Variants in CCDC15 observed in about 807,000 individuals in gnomAD.
The protein encoded by CCDC15 is coiled-coil domain containing 15.
A neutral mutation model predicts 114.5 loss-of-function variants in CCDC15; 105 were observed. The ratio of observed to expected loss-of-function variants is 0.92; its 90% CI spans 0.78 to 1.08. The LOEUF (loss-of-function observed/expected upper bound fraction) is 1.08, where lower values mean the gene tolerates loss of function less well. Among genes scored for constraint, CCDC15 ranks in the 50% least tolerant of loss-of-function variants. CCDC15 has a pLI of 0.00. For missense variants in CCDC15, 1,105 were observed against 1,093.6 expected, an observed-to-expected ratio of 1.01 and a Z score of -0.15; for synonymous variants, 334 against 377.8, an observed-to-expected ratio of 0.88 and a Z score of 1.34.
At chr11:124,996,043 T>C (rs1383290831) in intron 11 of CCDC15, among the ~76,000 whole-genome samples, 1 of 152,080 alleles carries the variant, frequency 6.6e-6, no homozygotes, top group African/African-American at 2.4e-5. Context: ...TTTGCCATGC[T>C]GGTCTCAAAC....
intron 7 of CCDC15, 39 bp from the exon 8 acceptor site, chr11:124,987,088 A>G: frequency 6.9e-7 from 1 of 1,456,656 alleles, no homozygotes; most frequent in Non-Finnish European, 9.1e-7. Flanking sequence ...TATTGCTACT[A>G]ACTCACATTC....
chr11:124,962,900 T>A lies in CCDC15; in HGVS notation c.516+2897T>A, dbSNP rs1565354159. On this transcript the variant is annotated intron_variant, in intron 4 of 15. Coordinates refer to ENST00000344762, the MANE Select transcript of CCDC15 (RefSeq NM_025004.3). Reference sequence around the variant, plus strand: ...GACCTATGAGTGAGAACATGCGGTGTTTGGTTTTCTGTCCTTGAGATAGTT... The same window carrying A: ...GACCTATGAGTGAGAACATGCGGTGATTGGTTTTCTGTCCTTGAGATAGTT... Among the ~76,000 whole-genome samples, 10 of 152,314 alleles carry A rather than the reference T, an allele frequency of 6.6e-5. No individual in the cohort carries two copies. In the South Asian group the frequency reaches 2.1e-3, roughly 32 times the overall value.
At chr11:125,019,061 G>A (rs1209606680) in intron 13 of CCDC15, among the ~76,000 whole-genome samples, 1 of 152,012 alleles carries the variant, frequency 6.6e-6, no homozygotes, top group Non-Finnish European at 1.5e-5. Context: ...AGACATGATT[G>A]TAAAGACCTT....
At chr11:125,004,062 T>C in intron 12 of CCDC15, 103 bp downstream of exon 12, 1 of 518,784 alleles carries the variant, frequency 1.9e-6, no homozygotes, top group South Asian at 5.7e-5. Context: ...ATAAAAGAGC[T>C]AATACCACAA....
At chr11:125,036,025 A>C (rs1470818149) in intron 13 of CCDC15, among the ~76,000 whole-genome samples, 1 of 149,116 alleles carries the variant, frequency 6.7e-6, no homozygotes, top group East Asian at 2.0e-4. Context: ...CCACAATTAC[A>C]GTGTTTTGAT....
At chr11:124,975,777 A>G (rs1054357572) in intron 5 of CCDC15, among the ~76,000 whole-genome samples, 1 of 152,168 alleles carries the variant, frequency 6.6e-6, no homozygotes, top group Non-Finnish European at 1.5e-5. Context: ...TCTGGGTAGT[A>G]GTATTACAGG....
rs1164738675 is a variant in CCDC15, at chr11:124,954,863, C to T, written c.131C>T (p.Ala44Val). ...ERNEAIVPVG[A>V]WVEPASPGSS... Reference sequence around the variant, plus strand: ...AACGAGGCTATAGTACCAGTTGGGGCATGGGTGGAACCTGCCTCACCAGGT... The same window carrying T: ...AACGAGGCTATAGTACCAGTTGGGGTATGGGTGGAACCTGCCTCACCAGGT... The change falls in exon 2 of 16, where the codon GCA becomes GTA. Residue 44 changes from alanine to valine, a missense_variant. By Grantham distance (64) the Ala-to-Val change is moderately conservative. Transcript: ENST00000344762. 4.3e-6 allele frequency: 7 copies of T among 1,613,864 alleles called. No individual in the cohort carries two copies. The highest frequency in any genetic ancestry group is 3.3e-5 in the Admixed American group (2 of 60,002).
intron 13 of CCDC15, among the ~76,000 whole-genome samples, chr11:125,009,411 A>C (rs1248817868): frequency 6.6e-6 from 1 of 152,214 alleles, no homozygotes; most frequent in African/African-American, 2.4e-5. Context: ...TAATACTATA[A>C]CAAAATTGTT....
At chr11:124,985,686 A>G (rs1458252092) in intron 6 of CCDC15, among the ~76,000 whole-genome samples, 1 of 151,134 alleles carries the variant, frequency 6.6e-6, no homozygotes, top group East Asian at 1.9e-4. Flanking sequence ...TTGTCTTTTT[A>G]TTATCAAATT....
At chr11:125,040,148 C>T (rs758639811) in intron 15 of CCDC15, among the ~76,000 whole-genome samples, 2 of 151,798 alleles carry the variant, frequency 1.3e-5, no homozygotes, top group African/African-American at 4.8e-5. Context: ...TGGGTTCAAG[C>T]GCCTCAGCCT....
chr11:124,959,725 T>TAAAAAAA, intron 3 of CCDC15, 90 bp from the exon 4 acceptor site: 1 of 264,130 alleles, frequency 3.8e-6, no homozygotes. Flanking sequence ...CCCACCCCAA[T>TAAAAAAA]TTAAAATCTT....
At chr11:125,016,735 C>A (rs1273380930) in intron 13 of CCDC15, among the ~76,000 whole-genome samples, 2 of 152,140 alleles carry the variant, frequency 1.3e-5, no homozygotes, top group African/African-American at 4.8e-5. Flanking sequence ...GCAACATACC[C>A]CTGCTGTGGG....
chr11:125,001,315 C>A (rs780268787), intron 11 of CCDC15, among the ~76,000 whole-genome samples: 1 of 152,210 alleles, frequency 6.6e-6, no homozygotes, highest in Admixed American at 6.5e-5. Context: ...CAAAGGCCTG[C>A]AAAAGCACCA....
Position 124,956,950 on chromosome 11 carries a change from G to A in CCDC15, c.177+2041G>A, listed in dbSNP as rs529913713. 1.0e-3 allele frequency among the ~76,000 whole-genome samples: 156 copies of A among 152,138 alleles called. 1 individual carries two copies. The highest frequency in any genetic ancestry group is 3.5e-3 in the African/African-American group (145 of 41,480). Reference sequence around the variant, plus strand: ...TCCCCAAAATTTCAGGGGGCCATCAGGATTCCTAAAAATGTCATAGCTTTA... The same window carrying A: ...TCCCCAAAATTTCAGGGGGCCATCAAGATTCCTAAAAATGTCATAGCTTTA... On this transcript the variant is annotated intron_variant, in intron 2 of 15. Transcript: ENST00000344762.
At chr11:124,954,394 C>A (rs761726753) in intron 1 of CCDC15, 24 bp downstream of exon 1, 18 of 199,520 alleles carry the variant, frequency 9.0e-5, no homozygotes, top group African/African-American at 1.9e-4. Context: ...CCTCTTTCTC[C>A]GGGTTGCAGC....
At chr11:124,967,357 A>G (rs1371303054) in intron 4 of CCDC15, among the ~76,000 whole-genome samples, 1 of 151,328 alleles carries the variant, frequency 6.6e-6, no homozygotes, top group Non-Finnish European at 1.5e-5. Flanking sequence ...TTTTCTCTAA[A>G]CTTCTCACTT....
chr11:125,034,474 C>A (rs1474548997), intron 13 of CCDC15, among the ~76,000 whole-genome samples: 2 of 152,176 alleles, frequency 1.3e-5, no homozygotes, highest in African/African-American at 2.4e-5. Context: ...TTACTCAGGG[C>A]AATCTTAGAA....
At chr11:125,019,816 G>A (rs1948650366) in intron 13 of CCDC15, among the ~76,000 whole-genome samples, 1 of 152,064 alleles carries the variant, frequency 6.6e-6, no homozygotes, top group South Asian at 2.1e-4. Flanking sequence ...AGTAGGAAAT[G>A]ATAAGTTATT....
At chr11:125,018,735 T>G (rs1175367619) in intron 13 of CCDC15, among the ~76,000 whole-genome samples, 1 of 152,026 alleles carries the variant, frequency 6.6e-6, no homozygotes. Context: ...ATGTACTCAG[T>G]AAAGATTAGC....
Sources: allele counts gnomAD v4.1 joint callset (sites outside exome capture counted in the v4.1 genomes callset), GRCh38; gene constraint gnomAD v4.1.1; transcripts MANE v1.5; gene names NCBI Gene and HGNC (gene_info 2026-07-23, HGNC 2026-07-21).